Variants in GSDME observed in about 807,000 individuals in gnomAD.
GSDME encodes gasdermin E.
A neutral mutation model predicts 47.5 loss-of-function variants in GSDME; 44 were observed. The ratio of observed to expected loss-of-function variants is 0.93; its 90% CI spans 0.73 to 1.19. The LOEUF (loss-of-function observed/expected upper bound fraction) is 1.19. Among genes scored for constraint, GSDME ranks in the 50% most tolerant of loss-of-function variants. The probability of loss-of-function intolerance (pLI) is 0.00; values close to 1 mark genes in which losing one functional copy is unlikely to be tolerated. For synonymous variants in GSDME, 258 were observed against 252.8 expected, an observed-to-expected ratio of 1.02 and a Z score of -0.20; for missense variants, 663 against 604.2, an observed-to-expected ratio of 1.10 and a Z score of -1.02.
intron 3 of GSDME, among the ~76,000 whole-genome samples, chr7:24,737,214 T>C (rs1790335277): frequency 6.6e-6 from 1 of 151,890 alleles, no homozygotes; most frequent in South Asian, 2.1e-4. Flanking sequence ...AAACAAAAGT[T>C]TGTTTTTTTA....
At chr7:24,709,730 G>T (rs559445948) in intron 6 of GSDME, among the ~76,000 whole-genome samples, 1 of 152,254 alleles carries the variant, frequency 6.6e-6, no homozygotes, top group South Asian at 2.1e-4. Flanking sequence ...CCTGGGCATG[G>T]CCCCTCTTCC....
the GSDME span, among the ~76,000 whole-genome samples, chr7:24,776,180 C>CAAAAA: frequency 6.4e-4 from 45 of 70,646 alleles, no homozygotes; most frequent in East Asian, 1.5e-3. Flanking sequence ...AACTCCATCT[C>CAAAAA]AAAAAAAAAA....
chr7:24,698,417 C>T lies in GSDME; in HGVS notation c.*609G>A, dbSNP rs1167836610. 1 of 161,092 alleles carries T rather than the reference C, an allele frequency of 6.2e-6. No individual in the cohort carries two copies. The highest frequency in any genetic ancestry group is 1.8e-4 in the East Asian group (1 of 5,508). The allele number at this position is 161,092 out of a possible 1,614,324, so 10.0% of individuals were successfully genotyped here. ...ACATAGGAAATCAACATGTGCTAGA[C>T]ATAGAATTAGTATGTTCACTGAAGC... is the stretch of plus-strand genomic sequence containing the variant. On this transcript the variant is annotated 3_prime_UTR_variant, in exon 10 of 10. Coordinates refer to ENST00000645220, the MANE Select transcript of GSDME (RefSeq NM_001127453.2).
In GSDME at chr7:24,733,730, C is replaced by G. The variant is rs565137854; in HGVS notation, c.404+10832G>C. On this transcript the variant is annotated intron_variant, in intron 3 of 9. Coordinates refer to ENST00000645220, the MANE Select transcript of GSDME (RefSeq NM_001127453.2). The surrounding 1 kb of genome is among the most constrained non-coding windows in gnomAD (Gnocchi z 4.3). ...GAGGGAAGAGTGAAGGGACTTTGTCCTGTGATTTGAGTGCCAGTTGAGCCA... is the reference window on the plus strand; with the variant it reads ...GAGGGAAGAGTGAAGGGACTTTGTCGTGTGATTTGAGTGCCAGTTGAGCCA... Among the ~76,000 whole-genome samples the G allele has an allele frequency of 1.5e-4, 23 of 152,254 alleles. No homozygotes were observed. The highest frequency in any genetic ancestry group is 1.1e-3 in the Admixed American group (17 of 15,304).
the GSDME span, among the ~76,000 whole-genome samples, chr7:24,781,781 T>G: frequency 2.6e-5 from 4 of 152,174 alleles, no homozygotes; most frequent in African/African-American, 9.7e-5. Flanking sequence ...TTTCACTCTG[T>G]TGTCCAGGCT....
At chr7:24,792,767 C>A in the GSDME span, among the ~76,000 whole-genome samples, 1 of 145,916 alleles carries the variant, frequency 6.9e-6, no homozygotes, top group Non-Finnish European at 1.5e-5. Context: ...TGGTTAGCAG[C>A]GCAAGGTAGG....
chr7:24,762,899 G>C (rs1056123386), upstream of GSDME, among the ~76,000 whole-genome samples: 1 of 152,188 alleles, frequency 6.6e-6, no homozygotes, highest in Non-Finnish European at 1.5e-5. Context: ...AATCAGGCTG[G>C]GGGAGGCTCA....
intron 3 of GSDME, among the ~76,000 whole-genome samples, chr7:24,727,989 G>A (rs1246082010): frequency 6.6e-6 from 1 of 152,138 alleles, no homozygotes; most frequent in Non-Finnish European, 1.5e-5. Flanking sequence ...ACTAGCTGCC[G>A]TCCCCAGCAC....
Position 24,719,238 on chromosome 7 carries a change from G to A in GSDME, c.405-20C>T, listed in dbSNP as rs1353351028. ...ATTGTTCTGAAAAAGAAAAACGGAT[G>A]TGAGTGGCTTAGTGCCTCAGGGGAC... On this transcript the variant is annotated intron_variant, in intron 3 of 9. Transcript: ENST00000645220. 4 of 1,605,562 alleles carry A rather than the reference G, an allele frequency of 2.5e-6. No individual in the cohort carries two copies. In the African/African-American group the frequency reaches 4.0e-5, roughly 16 times the overall value.
chr7:24,703,109 G>A lies in GSDME; in HGVS notation c.1184-276C>T, dbSNP rs892905376. ...AAATGGAAAGAACTGCCCAGACTCT[G>A]GGGGAAGGAAAGGAAACAGCATGGA... is the stretch of plus-strand genomic sequence containing the variant. On this transcript the variant is annotated intron_variant, in intron 8 of 9. Transcript: ENST00000645220. The A allele has an allele frequency of 7.9e-6, 3 of 380,828 alleles. No individual in the cohort carries two copies. The Admixed American group carries it at 1.1e-4, about 14-fold the overall frequency. The allele number at this position is 380,828 out of a possible 1,614,324, so 23.6% of individuals were successfully genotyped here. A position where few individuals can be genotyped will look rare whatever the true frequency, so the allele number is the denominator to read the frequency against.
chr7:24,706,815 G>C (rs1054417266), intron 7 of GSDME, among the ~76,000 whole-genome samples: 1 of 152,256 alleles, frequency 6.6e-6, no homozygotes, highest in Non-Finnish European at 1.5e-5. Context: ...TGTGGAGTGA[G>C]GCGACCCTGC....
intron 2 of GSDME, among the ~76,000 whole-genome samples, chr7:24,746,896 A>G (rs1192082771): frequency 2.0e-5 from 3 of 152,178 alleles, no homozygotes; most frequent in Non-Finnish European, 4.4e-5. Flanking sequence ...AGTGGGAAAA[A>G]ATAACAAAGG....
the GSDME span, among the ~76,000 whole-genome samples, chr7:24,771,789 C>A: frequency 8.0e-4 from 121 of 152,144 alleles, no homozygotes; most frequent in East Asian, 0.016. This position sits in a 1 kb window ranked among gnomAD's most constrained non-coding sequence, Gnocchi z 4.1. Flanking sequence ...GCTGCAGGAA[C>A]CTTTCTAAAG....
rs771191032 is a variant in GSDME at position 24,706,316 on chromosome 7, G to A, written c.1051C>T (p.Arg351Trp). ...TVAVLGELKP[R>W]QQQDLVAFLQ... ...AAGGCCACAAGGTCCTGCTGCTGCC[G>A]GGGCTTCAGCTCCCCCAGCACCGCC... Residue 351 changes from arginine (R) to tryptophan (W), a missense_variant, in exon 8 of 10, where the codon CGG becomes TGG. Physicochemically the swap from Arg to Trp is moderately radical, Grantham distance 101. Coordinates refer to ENST00000645220, the MANE Select transcript of GSDME (RefSeq NM_001127453.2). The A allele has an allele frequency of 1.8e-5, 29 of 1,613,576 alleles. No homozygotes were observed. The highest frequency in any genetic ancestry group is 5.5e-5 in the South Asian group (5 of 91,058).
Position 24,744,496 on chromosome 7 carries a change from G to T in GSDME, c.404+66C>A. 3.9e-6 allele frequency: 6 copies of T among 1,547,108 alleles called. No homozygotes were observed. The South Asian group carries it at 5.6e-5, about 14-fold the overall frequency. On this transcript the variant is annotated intron_variant, in intron 3 of 9. Transcript: ENST00000645220. The surrounding 1 kb of genome is among the most constrained non-coding windows in gnomAD (Gnocchi z 4.5). The stretch of plus-strand genomic sequence containing the variant: ...CAAATCTGTCGCCCTTTTAACAAAG[G>T]TCCAACTGAATGACCTTTAAATGTG...
the GSDME span, among the ~76,000 whole-genome samples, chr7:24,770,714 A>T: frequency 6.6e-6 from 1 of 152,308 alleles, no homozygotes; most frequent in East Asian, 1.9e-4. This position sits in a 1 kb window ranked among gnomAD's most constrained non-coding sequence, Gnocchi z 4.6. Flanking sequence ...CTATGAAAGA[A>T]CCAAAAAATG....
intron 6 of GSDME, 90 bp downstream of exon 6, chr7:24,710,134 G>C: frequency 1.5e-6 from 2 of 1,346,282 alleles, no homozygotes; most frequent in South Asian, 2.4e-5. Flanking sequence ...GTCACTGAGG[G>C]GTCACTGATG....
At chr7:24,782,312 C>T in the GSDME span, among the ~76,000 whole-genome samples, 2 of 149,242 alleles carry the variant, frequency 1.3e-5, no homozygotes, top group Non-Finnish European at 1.5e-5. Context: ...TGAGAACATG[C>T]AGTGTTTGGT....
intron 3 of GSDME, among the ~76,000 whole-genome samples, chr7:24,722,392 C>T (rs1325982602): frequency 2.6e-5 from 4 of 152,198 alleles, no homozygotes; most frequent in African/African-American, 9.7e-5. Flanking sequence ...TAGGCAAAGA[C>T]TTTAAAGATA....
Sources: allele counts gnomAD v4.1 joint callset (sites outside exome capture counted in the v4.1 genomes callset), GRCh38; gene constraint gnomAD v4.1.1; non-coding constraint Gnocchi (gnomAD v3.1); transcripts MANE v1.5; gene names NCBI Gene and HGNC (gene_info 2026-07-23, HGNC 2026-07-21).